Variants in CSMD1 observed in about 807,000 individuals in gnomAD.
The protein encoded by CSMD1 is CUB and sushi domain-containing protein 1.
Under a neutral mutation model 417.5 loss-of-function variants are expected in CSMD1, and 213 were observed. The observed-to-expected ratio is 0.51, with a 90% confidence interval of 0.46 to 0.57. The LOEUF (loss-of-function observed/expected upper bound fraction) is 0.57, where lower values mean the gene tolerates loss of function less well. Ranked by LOEUF, CSMD1 falls within the 20% of genes least tolerant of loss-of-function variation. CSMD1 has a pLI of 0.00. For missense variants in CSMD1, 6,923 were observed against 4,529.7 expected (o/e 1.53, Z -15.17); for synonymous variants, 2,862 against 1,736.8 (o/e 1.65, Z -16.11).
At chr8:4,599,311 G>A (rs1024595925) in intron 2 of CSMD1, among the ~76,000 whole-genome samples, 1 of 152,032 alleles carries the variant, frequency 6.6e-6, no homozygotes, top group African/African-American at 2.4e-5. Context: ...CTTCATTACT[G>A]TGTAGTCAAC....
rs906883619 is a variant in CSMD1 at position 4,883,239 on chromosome 8, G to C, written c.85+111093C>G. Among the ~76,000 whole-genome samples, 4 of 151,964 alleles carry C rather than the reference G, an allele frequency of 2.6e-5. 1 individual carries two copies. The South Asian group carries it at 6.2e-4, about 24-fold the overall frequency. Reference sequence around the variant, plus strand: ...GAGCAACATGGTTGATTTCTAACAAGGATCAGATAAGAGAATGATGAAAGC... The same window carrying C: ...GAGCAACATGGTTGATTTCTAACAACGATCAGATAAGAGAATGATGAAAGC... On this transcript the variant is annotated intron_variant, in intron 1 of 69. Transcript: ENST00000635120.
intron 6 of CSMD1, among the ~76,000 whole-genome samples, chr8:3,718,867 T>C (rs1801984517): frequency 6.6e-6 from 1 of 152,134 alleles, no homozygotes; most frequent in African/African-American, 2.4e-5. Flanking sequence ...ATTTAAAGAT[T>C]GTTTTACTTA....
At chr8:4,074,332 G>C (rs1224320619) in intron 3 of CSMD1, among the ~76,000 whole-genome samples, 4 of 151,916 alleles carry the variant, frequency 2.6e-5, no homozygotes, top group Admixed American at 6.6e-5. Flanking sequence ...AACAGTATTT[G>C]GCATCTGAAT....
At chr8:3,525,209 A>G (rs1383767721) in intron 10 of CSMD1, among the ~76,000 whole-genome samples, 1 of 152,184 alleles carries the variant, frequency 6.6e-6, no homozygotes, top group Non-Finnish European at 1.5e-5. Flanking sequence ...GAAATCATTC[A>G]GGATTTGACC....
At chr8:3,481,082 G>T (rs912748104) in intron 11 of CSMD1, among the ~76,000 whole-genome samples, 8 of 144,046 alleles carry the variant, frequency 5.6e-5, no homozygotes, top group Non-Finnish European at 8.9e-5. Context: ...TTTGAACCCA[G>T]AAGGCGGAGC....
intron 5 of CSMD1, among the ~76,000 whole-genome samples, chr8:3,786,103 T>C (rs1161957147): frequency 2.0e-5 from 3 of 152,182 alleles, no homozygotes; most frequent in South Asian, 2.1e-4. Context: ...GTGAGGCGTG[T>C]AGTTTGTGAA....
chr8:3,355,120 G>C (rs1354628303), intron 21 of CSMD1, among the ~76,000 whole-genome samples: 4 of 151,892 alleles, frequency 2.6e-5, no homozygotes, highest in Non-Finnish European at 5.9e-5. Flanking sequence ...TTCGCCCAAT[G>C]ACTTTCTACT....
chr8:3,806,995 T>C (rs916812522), intron 5 of CSMD1, among the ~76,000 whole-genome samples: 3 of 152,142 alleles, frequency 2.0e-5, no homozygotes, highest in Non-Finnish European at 4.4e-5. Flanking sequence ...AGGTGCCAGA[T>C]AAAACTGGCT....
chr8:3,839,546 T>C (rs1307647663), intron 5 of CSMD1, among the ~76,000 whole-genome samples: 1 of 85,930 alleles, frequency 1.2e-5, no homozygotes, highest in Non-Finnish European at 2.4e-5. Flanking sequence ...TTTTATATAT[T>C]ATATATATAT....
intron 5 of CSMD1, among the ~76,000 whole-genome samples, chr8:3,938,764 G>T (rs776345505): frequency 6.6e-6 from 1 of 152,146 alleles, no homozygotes; most frequent in Non-Finnish European, 1.5e-5. Flanking sequence ...AAGTGCCTTT[G>T]TTGTTAATGT....
chr8:3,035,215 T>C (rs111730490), intron 50 of CSMD1, among the ~76,000 whole-genome samples: 1 of 152,138 alleles, frequency 6.6e-6, no homozygotes, highest in African/African-American at 2.4e-5. Flanking sequence ...TCCCCCACCA[T>C]CATAGGCAGA....
At chr8:4,457,564 T>C (rs1474598201) in intron 2 of CSMD1, among the ~76,000 whole-genome samples, 1 of 152,182 alleles carries the variant, frequency 6.6e-6, no homozygotes, top group Non-Finnish European at 1.5e-5. Flanking sequence ...GGCCTGTTAA[T>C]TTATTGTCTC....
At chr8:4,776,784 A>C (rs2117171173) in intron 1 of CSMD1, among the ~76,000 whole-genome samples, 1 of 151,972 alleles carries the variant, frequency 6.6e-6, no homozygotes, top group East Asian at 1.9e-4. Context: ...AAATACAAGG[A>C]ATATTATATT....
intron 8 of CSMD1, among the ~76,000 whole-genome samples, chr8:3,588,528 T>A (rs1800701979): frequency 6.6e-6 from 1 of 152,078 alleles, no homozygotes; most frequent in South Asian, 2.1e-4. Context: ...AGCACTATAT[T>A]TCAACGACTG....
chr8:3,191,834 A>T (rs1322711735), intron 33 of CSMD1, among the ~76,000 whole-genome samples: 2 of 152,210 alleles, frequency 1.3e-5, no homozygotes, highest in Non-Finnish European at 2.9e-5. Context: ...CTGCAGTGAA[A>T]AAGACAGTAT....
intron 4 of CSMD1, among the ~76,000 whole-genome samples, chr8:4,026,841 G>C (rs1362390257): frequency 6.6e-6 from 1 of 152,158 alleles, no homozygotes; most frequent in African/African-American, 2.4e-5. Flanking sequence ...GAGACTCTGT[G>C]GCAGTGTAAA....
At chr8:4,194,175 G>C (rs1307006256) in intron 3 of CSMD1, among the ~76,000 whole-genome samples, 1 of 152,124 alleles carries the variant, frequency 6.6e-6, no homozygotes, top group Admixed American at 6.5e-5. Context: ...GCCCTATCAA[G>C]TCTGTACATG....
At position 4,426,829 on chromosome 8, in the gene CSMD1, G is replaced by A. The variant is rs542220682; in HGVS notation, c.303-6764C>T. ...AGTATGTAATATTACATGATACATAGTATACTATATTATGTACTATATTAT... is the reference window on the plus strand; with the variant it reads ...AGTATGTAATATTACATGATACATAATATACTATATTATGTACTATATTAT... On this transcript the variant is annotated intron_variant, in intron 2 of 69. Coordinates refer to ENST00000635120, the MANE Select transcript of CSMD1 (RefSeq NM_033225.6). Among the ~76,000 whole-genome samples the A allele has an allele frequency of 1.6e-3, 238 of 150,362 alleles. 1 individual carries two copies. Among genetic ancestry groups the A allele is most frequent in the African/African-American group, 5.4e-3 (224 of 41,128 alleles).
chr8:3,107,121 T>A (rs1369868453), intron 45 of CSMD1: 2 of 155,318 alleles, frequency 1.3e-5, no homozygotes, highest in African/African-American at 4.8e-5. Context: ...GGCAGAGTTT[T>A]ATAACTGGGG....
Sources: allele counts gnomAD v4.1 joint callset (sites outside exome capture counted in the v4.1 genomes callset), GRCh38; gene constraint gnomAD v4.1.1; transcripts MANE v1.5; gene names NCBI Gene and HGNC (gene_info 2026-07-23, HGNC 2026-07-21).